The following ZBTB46 variants were observed in gnomAD, a reference collection of about 807,000 sequenced individuals.
ZBTB46 encodes zinc finger and BTB domain-containing protein 46.
ZBTB46 carries 8 observed loss-of-function variants against 44.1 expected under a neutral mutation model. The ratio of observed to expected loss-of-function variants is 0.18; its 90% CI spans 0.11 to 0.33. ZBTB46 has a LOEUF of 0.33. ZBTB46 is among the 10% of genes least tolerant of loss of function. The pLI is 1.00. For synonymous variants in ZBTB46, 409 were observed against 382.3 expected, an observed-to-expected ratio of 1.07 and a Z score of -0.81; for missense variants, 651 against 847.7, an observed-to-expected ratio of 0.77 and a Z score of 2.88.
In ZBTB46 at chr20:63,746,850, T is replaced by G. The variant is rs531188495; in HGVS notation, c.*80A>C. On this transcript the variant is annotated 3_prime_UTR_variant, in exon 5 of 5. Coordinates refer to ENST00000245663, the MANE Select transcript of ZBTB46 (RefSeq NM_001369741.1). The stretch of plus-strand genomic sequence containing the variant: ...GCCGCGAGAGGGGTGAGCGTGGCCC[T>G]GGCCCCGCAGTGGAGACCCACCGGA... 24 of 1,420,394 alleles carry G rather than the reference T, an allele frequency of 1.7e-5. No homozygotes were observed. The South Asian group carries it at 3.4e-4, about 20-fold the overall frequency. 88.0% of individuals were successfully genotyped at this position (1,420,394 alleles called of 1,614,324 possible).
chr20:63,753,300 G>A (rs1256655951), intron 3 of ZBTB46, among the ~76,000 whole-genome samples: 2 of 152,308 alleles, frequency 1.3e-5, no homozygotes, highest in Non-Finnish European at 2.9e-5. Flanking sequence ...CAAACACTGT[G>A]GAGTAATACG....
At chr20:63,786,845 A>G (rs1361284815) in intron 2 of ZBTB46, among the ~76,000 whole-genome samples, 1 of 151,996 alleles carries the variant, frequency 6.6e-6, no homozygotes, top group Non-Finnish European at 1.5e-5. Flanking sequence ...GGATTTCACT[A>G]CTTTGCCCAG....
chr20:63,798,623 C>T lies in ZBTB46; in HGVS notation c.-33-7833G>A, dbSNP rs1329407696. On this transcript the variant is annotated intron_variant, in intron 1 of 4. Transcript: ENST00000245663. ...CTGGGAGGTGGAGGTTGCAGTGAGC[C>T]AAGATCATGCCACTGCACTCCAGCC... Among the ~76,000 whole-genome samples, 4 of 134,022 alleles carry T rather than the reference C, an allele frequency of 3.0e-5. No individual in the cohort carries two copies. In the East Asian group the frequency reaches 9.2e-4, roughly 31 times the overall value. 87.9% of individuals were successfully genotyped at this position (134,022 alleles called of 152,430 possible). A position where few individuals can be genotyped will look rare whatever the true frequency, so the allele number is the denominator to read the frequency against.
At chr20:63,817,119 A>G (rs893497351) in intron 1 of ZBTB46, among the ~76,000 whole-genome samples, 28 of 151,928 alleles carry the variant, frequency 1.8e-4, no homozygotes, top group Non-Finnish European at 3.4e-4. Context: ...AAAAAAAAGA[A>G]AAGAAAAGAA....
intron 1 of ZBTB46, among the ~76,000 whole-genome samples, chr20:63,794,407 G>A (rs778232397): frequency 1.4e-4 from 21 of 151,934 alleles, no homozygotes; most frequent in Non-Finnish European, 2.4e-4. Context: ...TGCCCAGGCT[G>A]ATCTCAAACT....
At chr20:63,828,509 T>A (rs1051384046) in intron 1 of ZBTB46, among the ~76,000 whole-genome samples, 20 of 152,086 alleles carry the variant, frequency 1.3e-4, no homozygotes, top group Admixed American at 5.2e-4. Context: ...TTTTTTTTTT[T>A]AAATCTGCTA....
At position 63,767,921 on chromosome 20, in the gene ZBTB46, C is replaced by T. The variant is rs547507115; in HGVS notation, c.1222+7757G>A. 5 of 985,460 alleles carry T rather than the reference C, an allele frequency of 5.1e-6. No homozygotes were observed. In the South Asian group the frequency reaches 1.9e-4, roughly 37 times the overall value. The allele number at this position is 985,460 out of a possible 1,614,324, so 61.0% of individuals were successfully genotyped here. A position where few individuals can be genotyped will look rare whatever the true frequency, so the allele number is the denominator to read the frequency against. ...CTGCAGAAACCCACCCTCATGCCAG[C>T]GGGAGCCAACTCTGGAAGAGGACTG... On this transcript the variant is annotated intron_variant, in intron 3 of 4. Transcript: ENST00000245663. This position sits in a 1 kb window ranked among gnomAD's most constrained non-coding sequence, Gnocchi z 5.0.
At chr20:63,810,297 A>G (rs2092710402) in intron 1 of ZBTB46, among the ~76,000 whole-genome samples, 1 of 152,210 alleles carries the variant, frequency 6.6e-6, no homozygotes, top group African/African-American at 2.4e-5. Context: ...GCAAAACCCA[A>G]TTCCAGGAAC....
At chr20:63,756,206 C>T (rs977361870) in intron 3 of ZBTB46, among the ~76,000 whole-genome samples, 3 of 152,184 alleles carry the variant, frequency 2.0e-5, no homozygotes, top group Non-Finnish European at 4.4e-5. Context: ...CCAGGAGAAT[C>T]GGACCTGTCC....
chr20:63,823,888 G>GTGTGTGTGTGTGTGTGTGTGTGTGT (rs1414023978), intron 1 of ZBTB46, among the ~76,000 whole-genome samples: 51 of 151,664 alleles, frequency 3.4e-4, no homozygotes, highest in African/African-American at 1.1e-3. Context: ...GTGTGTGTGT[G>GTGTGTGTGTGTGTGTGTGTGTGTGT]TTCTTTGGGA....
intron 1 of ZBTB46, among the ~76,000 whole-genome samples, chr20:63,818,871 CAAA>C (rs141702422): frequency 1.5e-4 from 12 of 79,946 alleles, no homozygotes; most frequent in Admixed American, 3.1e-4. Context: ...AACTCCAGCT[CAAA>C]AAAAAAAAAA....
chr20:63,796,803 C>A (rs1438641265), intron 1 of ZBTB46, among the ~76,000 whole-genome samples: 3 of 151,926 alleles, frequency 2.0e-5, no homozygotes, highest in Admixed American at 2.0e-4. Context: ...CCAGCCTGGG[C>A]AACAAGAGTA....
Position 63,746,506 on chromosome 20 carries a change from C to T in ZBTB46, c.*424G>A, listed in dbSNP as rs140029672. On this transcript the variant is annotated 3_prime_UTR_variant, in exon 5 of 5. Transcript: ENST00000245663. Reference sequence around the variant, plus strand: ...GAGGGCGGGCTCCAGCCGGGCTGACCGGGTGTCTGTAAAACTCTGCACCTG... The same window carrying T: ...GAGGGCGGGCTCCAGCCGGGCTGACTGGGTGTCTGTAAAACTCTGCACCTG... 4.6e-3 allele frequency: 788 copies of T among 169,862 alleles called. 7 individuals are homozygous for T. Among genetic ancestry groups the T allele is most frequent in the African/African-American group, 0.018 (751 of 42,270 alleles). The allele number at this position is 169,862 out of a possible 1,614,324, so 10.5% of individuals were successfully genotyped here.
At chr20:63,766,412 C>T (rs760401273) in intron 3 of ZBTB46, among the ~76,000 whole-genome samples, 33 of 151,734 alleles carry the variant, frequency 2.2e-4, no homozygotes, top group Admixed American at 1.3e-4. Flanking sequence ...GATACGATTT[C>T]GCCATGTTGG....
intron 1 of ZBTB46, among the ~76,000 whole-genome samples, chr20:63,809,533 C>CA (rs2092705848): frequency 6.6e-6 from 1 of 152,158 alleles, no homozygotes. Context: ...AGCAGGAGCT[C>CA]CGCGACCTCC....
chr20:63,804,391 C>T (rs955645654), intron 1 of ZBTB46, among the ~76,000 whole-genome samples: 1 of 152,184 alleles, frequency 6.6e-6, no homozygotes, highest in Non-Finnish European at 1.5e-5. Context: ...AAAGGCGAAT[C>T]CTGCCATGAA....
intron 3 of ZBTB46, among the ~76,000 whole-genome samples, chr20:63,773,691 G>C (rs973902751): frequency 4.8e-5 from 7 of 147,334 alleles, no homozygotes; most frequent in Admixed American, 4.7e-4. Context: ...TGAAAAGGCG[G>C]TCGGAGGGGA....
chr20:63,783,079 G>A (rs1043284756), intron 2 of ZBTB46, among the ~76,000 whole-genome samples: 5 of 152,032 alleles, frequency 3.3e-5, no homozygotes, highest in Admixed American at 1.3e-4. Context: ...GCCGTGAGCC[G>A]AGATTGTACC....
rs997667764 is a variant in ZBTB46 at position 63,769,328 on chromosome 20, G to A, written c.1222+6350C>T. ...GAGCTCATCCTGTGGCTCTGAGGGT[G>A]GAGGGTGGAGGGGCTTCTGTTCTGC... is the stretch of plus-strand genomic sequence containing the variant. On this transcript the variant is annotated intron_variant, in intron 3 of 4. Transcript: ENST00000245663. 15 of 985,406 alleles carry A rather than the reference G, an allele frequency of 1.5e-5. No individual in the cohort carries two copies. The African/African-American group carries it at 2.6e-4, about 17-fold the overall frequency. The allele number at this position is 985,406 out of a possible 1,614,324, so 61.0% of individuals were successfully genotyped here.
Sources: allele counts gnomAD v4.1 joint callset (sites outside exome capture counted in the v4.1 genomes callset), GRCh38; gene constraint gnomAD v4.1.1; non-coding constraint Gnocchi (gnomAD v3.1); transcripts MANE v1.5; gene names NCBI Gene and HGNC (gene_info 2026-07-23, HGNC 2026-07-21).